The following EPB41L5 variants were observed in gnomAD, a reference collection of about 807,000 sequenced individuals.
The protein encoded by EPB41L5 is band 4.1-like protein 5.
Under a neutral mutation model 106.6 loss-of-function variants are expected in EPB41L5, and 55 were observed. The ratio of observed to expected loss-of-function variants is 0.52; its 90% CI spans 0.42 to 0.65. EPB41L5 has a LOEUF of 0.65. EPB41L5 is among the 30% of genes least tolerant of loss of function. EPB41L5 has a pLI of 0.00. For synonymous variants in EPB41L5, 297 were observed against 306.7 expected, an observed-to-expected ratio of 0.97 and a Z score of 0.33; for missense variants, 871 against 882.1, an observed-to-expected ratio of 0.99 and a Z score of 0.16.
rs560824289 is a variant in EPB41L5 at position 120,064,703 on chromosome 2, T to C, written c.286-8475T>C. Among the ~76,000 whole-genome samples, 5 of 152,322 alleles carry C rather than the reference T, an allele frequency of 3.3e-5. No homozygotes were observed. In the South Asian group the frequency reaches 1.0e-3, roughly 32 times the overall value. On this transcript the variant is annotated intron_variant, in intron 3 of 24. Coordinates refer to ENST00000263713, the MANE Select transcript of EPB41L5 (RefSeq NM_020909.4). ...AAGGGAAGTTGTCTCCTTTTTAAGG[T>C]ACAGTGAAGAAAGAGAATCTTACTA...
intron 3 of EPB41L5, among the ~76,000 whole-genome samples, chr2:120,069,210 CCAACAAAGAT>C (rs1210218384): frequency 1.4e-5 from 2 of 140,688 alleles, no homozygotes; most frequent in Non-Finnish European, 3.0e-5. Context: ...AGACTTTAAA[CCAACAAAGAT>C]CAAAAAAGAC....
At chr2:120,142,261 C>G (rs1341871902) in intron 18 of EPB41L5, among the ~76,000 whole-genome samples, 1 of 151,930 alleles carries the variant, frequency 6.6e-6, no homozygotes, top group Non-Finnish European at 1.5e-5. Context: ...TCGGTTTTCT[C>G]TTGACCTATG....
chr2:120,166,389 A>AT (rs1313105507), intron 22 of EPB41L5, among the ~76,000 whole-genome samples: 1 of 151,746 alleles, frequency 6.6e-6, no homozygotes, highest in East Asian at 1.9e-4. Context: ...TATTTATGAT[A>AT]TTTTTTCTCT....
intron 20 of EPB41L5, among the ~76,000 whole-genome samples, chr2:120,149,341 C>G (rs1221697690): frequency 1.3e-5 from 2 of 152,092 alleles, no homozygotes; most frequent in Admixed American, 6.5e-5. Context: ...ATTTTCGTCA[C>G]CTCAAAAAGA....
Position 120,050,513 on chromosome 2 carries a change from T to A in EPB41L5, c.285+8403T>A, listed in dbSNP as rs930484763. ...TGCCATGGTTTTCAGCTCCATCAGGTCATTTAAGGACTTGTCTACACTAGT... is the reference window on the plus strand; with the variant it reads ...TGCCATGGTTTTCAGCTCCATCAGGACATTTAAGGACTTGTCTACACTAGT... On this transcript the variant is annotated intron_variant, in intron 3 of 24. Transcript: ENST00000263713. Among the ~76,000 whole-genome samples, 3 of 152,194 alleles carry A rather than the reference T, an allele frequency of 2.0e-5. No homozygotes were observed. The East Asian group carries it at 5.8e-4, about 29-fold the overall frequency.
intron 16 of EPB41L5, among the ~76,000 whole-genome samples, chr2:120,126,873 A>G (rs1422667245): frequency 1.3e-5 from 2 of 152,222 alleles, no homozygotes; most frequent in Admixed American, 1.3e-4. Context: ...GGGAGAAGCC[A>G]TCTTCAATAT....
intron 16 of EPB41L5, among the ~76,000 whole-genome samples, chr2:120,121,778 A>G (rs1288655296): frequency 6.6e-6 from 1 of 152,224 alleles, no homozygotes; most frequent in Non-Finnish European, 1.5e-5. Flanking sequence ...TGGTTGAGCT[A>G]ATTTACACTC....
chr2:120,057,548 G>A lies in EPB41L5; in HGVS notation c.285+15438G>A, dbSNP rs1574553858. Among the ~76,000 whole-genome samples, 3 of 152,006 alleles carry A rather than the reference G, an allele frequency of 2.0e-5. No homozygotes were observed. In the South Asian group the frequency reaches 6.2e-4, roughly 32 times the overall value. On this transcript the variant is annotated intron_variant, in intron 3 of 24. Transcript: ENST00000263713. ...TTCTTTAGCAAATGAATAACCTATA[G>A]CTTAAGGGAAGATGGATAATGGTAT...
rs752094228 is a variant in EPB41L5, at chr2:120,164,835, G to GGAA, written c.1889_1891dup (p.Glu630dup). 6.2e-7 allele frequency: 1 copy of GGAA among 1,607,066 alleles called. No individual in the cohort carries two copies. The highest frequency in any genetic ancestry group is 1.1e-5 in the South Asian group (1 of 89,584). ...CAATTCTAGATTCCTGTCTTCCATA[G>GGAA]GAAGCTACAGATGAATTGGATGCCT... On this transcript the variant is annotated inframe_insertion and splice_region_variant. Coordinates refer to ENST00000263713, the MANE Select transcript of EPB41L5 (RefSeq NM_020909.4).
At chr2:120,073,125 A>G in intron 3 of EPB41L5, 53 bp from the exon 4 acceptor site, 2 of 1,526,816 alleles carry the variant, frequency 1.3e-6, no homozygotes, top group Non-Finnish European at 9.0e-7. Context: ...TAATTCATTC[A>G]AATTTTAAAG....
intron 20 of EPB41L5, among the ~76,000 whole-genome samples, chr2:120,156,968 C>G (rs534667084): frequency 6.6e-6 from 1 of 152,248 alleles, no homozygotes; most frequent in East Asian, 1.9e-4. Context: ...ACTCTCCACC[C>G]CAAAATAACA....
chr2:120,062,577 A>C (rs1206281124), intron 3 of EPB41L5, among the ~76,000 whole-genome samples: 1 of 152,222 alleles, frequency 6.6e-6, no homozygotes, highest in Non-Finnish European at 1.5e-5. Context: ...TTATCAGTGT[A>C]TGAAAGTAAC....
chr2:120,165,236 G>A (rs1398417414), intron 22 of EPB41L5, among the ~76,000 whole-genome samples: 1 of 152,174 alleles, frequency 6.6e-6, no homozygotes, highest in South Asian at 2.1e-4. Context: ...AAAGATGAGA[G>A]CGTAAGAATG....
intron 16 of EPB41L5, among the ~76,000 whole-genome samples, chr2:120,113,656 C>G (rs1297772529): frequency 6.6e-6 from 1 of 152,210 alleles, no homozygotes; most frequent in Non-Finnish European, 1.5e-5. Flanking sequence ...TTCCTATTAG[C>G]AGTTACTATC....
At chr2:120,097,193 G>A (rs1344769495) in intron 14 of EPB41L5, among the ~76,000 whole-genome samples, 1 of 152,122 alleles carries the variant, frequency 6.6e-6, no homozygotes, top group African/African-American at 2.4e-5. Context: ...TTTAAGGAAT[G>A]GTTTTTTTTT....
intron 16 of EPB41L5, chr2:120,105,418 A>G (rs1684392038): frequency 1.0e-6 from 1 of 984,788 alleles, no homozygotes; most frequent in South Asian, 4.7e-5. Context: ...TCCTGCTCAC[A>G]TAGAGGTTGG....
intron 2 of EPB41L5, among the ~76,000 whole-genome samples, chr2:120,041,577 C>G (rs542328744): frequency 6.6e-6 from 1 of 152,228 alleles, no homozygotes; most frequent in South Asian, 2.1e-4. Flanking sequence ...TAGTTTCTGT[C>G]TCTTCTCTAA....
At chr2:120,100,860 G>T in intron 16 of EPB41L5, 46 bp downstream of exon 16, 1 of 1,284,008 alleles carries the variant, frequency 7.8e-7, no homozygotes, top group Non-Finnish European at 1.1e-6. Context: ...CTAGTTAATT[G>T]TATTTGGAAT....
At chr2:120,034,178 TAAG>T (rs936099384) in intron 2 of EPB41L5, among the ~76,000 whole-genome samples, 1 of 152,210 alleles carries the variant, frequency 6.6e-6, no homozygotes, top group African/African-American at 2.4e-5. Flanking sequence ...TAGCATCTGT[TAAG>T]GAGGAGTCAA....
Sources: allele counts gnomAD v4.1 joint callset (sites outside exome capture counted in the v4.1 genomes callset), GRCh38; gene constraint gnomAD v4.1.1; transcripts MANE v1.5; gene names NCBI Gene and HGNC (gene_info 2026-07-23, HGNC 2026-07-21).